Variants in FMN2 observed in about 807,000 individuals in gnomAD.
The protein encoded by FMN2 is formin-2.
Under a neutral mutation model 142.3 loss-of-function variants are expected in FMN2, and 51 were observed. The observed-to-expected ratio is 0.36, with a 90% CI of 0.29 to 0.45. The LOEUF is 0.45. Ranked by LOEUF, FMN2 falls within the 20% of genes least tolerant of loss-of-function variation. The probability of loss-of-function intolerance (pLI) is 1.00; values close to 1 mark genes in which losing one functional copy is unlikely to be tolerated. For synonymous variants in FMN2, 882 were observed against 869.8 expected (o/e 1.01, Z -0.25); for missense variants, 1,936 against 2,122.8 (o/e 0.91, Z 1.73).
rs75904688 is a variant in FMN2 at position 240,309,196 on chromosome 1, T to G, written c.4215+14313T>G. On this transcript the variant is annotated intron_variant, in intron 8 of 17. Coordinates refer to ENST00000319653, the MANE Select transcript of FMN2 (RefSeq NM_020066.5). ...CTAGGGATGAGTAAGCATACCCAAG[T>G]TCGGATAAGCTTGGAAGGGGGTCCC... Among the ~76,000 whole-genome samples the G allele has an allele frequency of 5.1e-3, 777 of 152,150 alleles. 6 individuals are homozygous for G. Among genetic ancestry groups the G allele is most frequent in the African/African-American group, 0.018 (751 of 41,524 alleles).
At chr1:240,403,035 T>C (rs1674041148) in intron 15 of FMN2, among the ~76,000 whole-genome samples, 1 of 152,244 alleles carries the variant, frequency 6.6e-6, no homozygotes, top group South Asian at 2.1e-4. Context: ...AATTTAATTC[T>C]GGCATCAATA....
intron 1 of FMN2, among the ~76,000 whole-genome samples, chr1:240,121,312 A>G (rs1370571259): frequency 2.0e-5 from 3 of 152,042 alleles, no homozygotes; most frequent in Non-Finnish European, 4.4e-5. Flanking sequence ...GCCAAGATTG[A>G]GAACCCCTGG....
At chr1:240,361,132 A>AATAAATAAATAAAT (rs1672450710) in intron 14 of FMN2, among the ~76,000 whole-genome samples, 2 of 35,708 alleles carry the variant, frequency 5.6e-5, no homozygotes, top group African/African-American at 1.1e-4. Context: ...ATAATAAATA[A>AATAAATAAATAAAT]ATATATGTGT....
intron 15 of FMN2, among the ~76,000 whole-genome samples, chr1:240,406,966 C>T (rs1486335611): frequency 6.6e-6 from 1 of 152,076 alleles, no homozygotes; most frequent in Non-Finnish European, 1.5e-5. Flanking sequence ...ATTGTGAGAG[C>T]GTTACCTCGA....
chr1:240,152,136 T>C (rs1446970603), intron 2 of FMN2, among the ~76,000 whole-genome samples: 1 of 152,004 alleles, frequency 6.6e-6, no homozygotes, highest in African/African-American at 2.4e-5. Context: ...CTTTTCATAT[T>C]CCCTTTTCTT....
chr1:240,145,133 T>C, intron 2 of FMN2: 10 of 1,484,604 alleles, frequency 6.7e-6, no homozygotes, highest in Non-Finnish European at 9.4e-6. Context: ...AGAACGAATC[T>C]GCCTTCGCAT....
intron 5 of FMN2, among the ~76,000 whole-genome samples, chr1:240,209,652 C>T (rs552252099): frequency 2.1e-3 from 311 of 150,266 alleles, no homozygotes; most frequent in African/African-American, 7.2e-3. Context: ...CGCCTGTCAT[C>T]CCAGCACTTT....
chr1:240,135,201 C>G (rs932440751), intron 2 of FMN2, among the ~76,000 whole-genome samples: 2 of 152,134 alleles, frequency 1.3e-5, no homozygotes, highest in African/African-American at 4.8e-5. Flanking sequence ...CAGGGAGGAA[C>G]CAGAGAGGGC....
intron 4 of FMN2, among the ~76,000 whole-genome samples, chr1:240,200,565 G>A (rs1170686766): frequency 6.6e-6 from 1 of 152,152 alleles, no homozygotes; most frequent in Non-Finnish European, 1.5e-5. Flanking sequence ...CTCTGTAGTA[G>A]TGGATTGGTG....
intron 15 of FMN2, among the ~76,000 whole-genome samples, chr1:240,434,265 A>C (rs1449582950): frequency 6.6e-6 from 1 of 152,156 alleles, no homozygotes; most frequent in Non-Finnish European, 1.5e-5. Flanking sequence ...CCTAGGTAAG[A>C]TGTCTGTCTT....
intron 1 of FMN2, among the ~76,000 whole-genome samples, chr1:240,121,482 TC>T (rs1662246251): frequency 6.6e-6 from 1 of 151,372 alleles, no homozygotes; most frequent in Non-Finnish European, 1.5e-5. Flanking sequence ...TTCAAGTGAT[TC>T]TCTTGCCTCA....
chr1:240,325,530 A>G (rs1183397149), intron 8 of FMN2, among the ~76,000 whole-genome samples: 1 of 129,074 alleles, frequency 7.7e-6, no homozygotes, highest in Non-Finnish European at 1.7e-5. Context: ...CAGATTCTAT[A>G]TTTGCTAACT....
intron 2 of FMN2, among the ~76,000 whole-genome samples, chr1:240,156,517 G>A (rs918663723): frequency 6.6e-6 from 1 of 152,138 alleles, no homozygotes; most frequent in Non-Finnish European, 1.5e-5. Context: ...CAGGAAACTG[G>A]TTCCAGTAAC....
chr1:240,279,107 C>T (rs12078834), intron 7 of FMN2, among the ~76,000 whole-genome samples: 3,893 of 152,208 alleles, frequency 0.026, 139 homozygotes, highest in African/African-American at 0.086. Context: ...TGAAAATTCA[C>T]GGTGCCTGAG....
chr1:240,171,190 A>C lies in FMN2; in HGVS notation c.1783-6731A>C. ...ATCTGAATATGTGTCTAAAAAGATAAAAGTTGATGAATTTGTGACTCACAA... is the reference window on the plus strand; with the variant it reads ...ATCTGAATATGTGTCTAAAAAGATACAAGTTGATGAATTTGTGACTCACAA... On this transcript the variant is annotated intron_variant, in intron 2 of 17. Transcript: ENST00000319653. 3.7e-6 allele frequency: 3 copies of C among 816,878 alleles called. No individual in the cohort carries two copies. The East Asian group carries it at 7.3e-5, about 20-fold the overall frequency. The allele number at this position is 816,878 out of a possible 1,614,324, so 50.6% of individuals were successfully genotyped here.
intron 4 of FMN2, among the ~76,000 whole-genome samples, chr1:240,199,184 G>C (rs1666039266): frequency 6.6e-6 from 1 of 152,206 alleles, no homozygotes; most frequent in Non-Finnish European, 1.5e-5. Context: ...CTATTTTACA[G>C]ATGTCTAGAG....
At chr1:240,106,682 A>T (rs1661620868) in intron 1 of FMN2, among the ~76,000 whole-genome samples, 1 of 150,156 alleles carries the variant, frequency 6.7e-6, no homozygotes, top group Admixed American at 6.7e-5. Flanking sequence ...TTCCAGGAGG[A>T]TTTTTTTTTC....
chr1:240,342,265 A>G (rs1671769000), intron 13 of FMN2, among the ~76,000 whole-genome samples: 1 of 152,206 alleles, frequency 6.6e-6, no homozygotes, highest in South Asian at 2.1e-4. Flanking sequence ...TAAATTGATT[A>G]TAAGTTCTGT....
At chr1:240,293,893 A>G (rs949078811) in intron 7 of FMN2, among the ~76,000 whole-genome samples, 7 of 152,156 alleles carry the variant, frequency 4.6e-5, no homozygotes, top group Non-Finnish European at 5.9e-5. Flanking sequence ...GGATTTTGCC[A>G]GAGTCAACTA....
Sources: allele counts gnomAD v4.1 joint callset (sites outside exome capture counted in the v4.1 genomes callset), GRCh38; gene constraint gnomAD v4.1.1; transcripts MANE v1.5; gene names NCBI Gene and HGNC (gene_info 2026-07-23, HGNC 2026-07-21).